The following GRID1 variants were observed in gnomAD, a reference collection of about 807,000 sequenced individuals.
GRID1 encodes glutamate ionotropic receptor delta type subunit 1.
GRID1 carries 28 observed loss-of-function variants against 98.0 expected under a neutral mutation model. The observed-to-expected ratio is 0.29, with a 90% CI of 0.21 to 0.39. The LOEUF (loss-of-function observed/expected upper bound fraction) is 0.39, where lower values mean the gene tolerates loss of function less well. Among genes scored for constraint, GRID1 ranks in the 10% least tolerant of loss-of-function variants. The pLI is 1.00. For synonymous variants in GRID1, 553 were observed against 538.5 expected (o/e 1.03, Z -0.37); for missense variants, 1,111 against 1,340.5 (o/e 0.83, Z 2.67).
intron 6 of GRID1, among the ~76,000 whole-genome samples, chr10:85,856,690 C>A (rs1387556412): frequency 6.6e-6 from 1 of 152,206 alleles, no homozygotes; most frequent in Non-Finnish European, 1.5e-5. Flanking sequence ...ACTGCTCAAC[C>A]CTACTGTTAT....
At chr10:86,089,748 A>C (rs1844117321) in intron 4 of GRID1, among the ~76,000 whole-genome samples, 1 of 152,118 alleles carries the variant, frequency 6.6e-6, no homozygotes, top group Non-Finnish European at 1.5e-5. Flanking sequence ...AACAAAAAAA[A>C]ATTTTTTTTT....
chr10:86,110,660 C>T (rs1844467611), intron 4 of GRID1, among the ~76,000 whole-genome samples: 1 of 152,330 alleles, frequency 6.6e-6, no homozygotes, highest in East Asian at 1.9e-4. Flanking sequence ...TCTTCTTCCC[C>T]TCTTTCCCAG....
At chr10:85,793,912 T>C (rs1842503644) in intron 8 of GRID1, among the ~76,000 whole-genome samples, 1 of 152,152 alleles carries the variant, frequency 6.6e-6, no homozygotes, top group Non-Finnish European at 1.5e-5. Context: ...TAAATGAATT[T>C]AGGAAGAAAA....
intron 3 of GRID1, among the ~76,000 whole-genome samples, chr10:86,175,953 C>T (rs900279441): frequency 1.2e-4 from 19 of 152,174 alleles, no homozygotes; most frequent in Non-Finnish European, 2.6e-4. Flanking sequence ...AGGTGATCTG[C>T]CTGCCTCGGC....
intron 3 of GRID1, among the ~76,000 whole-genome samples, chr10:86,148,777 T>A (rs1759669779): frequency 6.6e-6 from 1 of 152,090 alleles, no homozygotes. Flanking sequence ...TCCATGGTAG[T>A]CTGAGATTCA....
intron 15 of GRID1, among the ~76,000 whole-genome samples, chr10:85,610,782 G>A (rs1427435553): frequency 6.6e-6 from 1 of 152,144 alleles, no homozygotes; most frequent in Non-Finnish European, 1.5e-5. Context: ...AAGGGAGAGA[G>A]GGAAGAAGGA....
At chr10:85,681,989 C>G (rs909512942) in intron 12 of GRID1, among the ~76,000 whole-genome samples, 1 of 151,950 alleles carries the variant, frequency 6.6e-6, no homozygotes, top group Non-Finnish European at 1.5e-5. Flanking sequence ...TCCCACCCCT[C>G]ATGTCTTGGA....
chr10:86,202,512 C>A (rs1255558793), intron 3 of GRID1, among the ~76,000 whole-genome samples: 1 of 152,240 alleles, frequency 6.6e-6, no homozygotes, highest in Non-Finnish European at 1.5e-5. Flanking sequence ...CTTTTCGATC[C>A]AAACTTTTGG....
At chr10:85,670,127 ACACGACAGCC>A (rs1390383024) in intron 12 of GRID1, among the ~76,000 whole-genome samples, 1 of 152,232 alleles carries the variant, frequency 6.6e-6, no homozygotes, top group Non-Finnish European at 1.5e-5. Context: ...GAAATGCTGG[ACACGACAGCC>A]CTTCTTGGAG....
chr10:86,037,952 G>A (rs1813398527), intron 4 of GRID1, among the ~76,000 whole-genome samples: 2 of 152,072 alleles, frequency 1.3e-5, no homozygotes, highest in Admixed American at 1.3e-4. Context: ...TCTTTAAAGA[G>A]GTGGTTAAGT....
At chr10:85,647,469 G>T in intron 12 of GRID1, 72 bp from the exon 13 acceptor site, 1 of 1,192,536 alleles carries the variant, frequency 8.4e-7, no homozygotes, top group Non-Finnish European at 1.2e-6. Flanking sequence ...CAAATGGGCT[G>T]CAAGGCCCTT....
At chr10:86,272,109 C>A (rs1390795724) in intron 2 of GRID1, among the ~76,000 whole-genome samples, 1 of 151,776 alleles carries the variant, frequency 6.6e-6, no homozygotes, top group Non-Finnish European at 1.5e-5. Context: ...AAATAGAAGA[C>A]AATGGAGAAA....
intron 5 of GRID1, among the ~76,000 whole-genome samples, chr10:85,875,999 G>A (rs1035874459): frequency 9.9e-5 from 15 of 152,062 alleles, no homozygotes; most frequent in African/African-American, 3.6e-4. Context: ...TTGTTTGCTG[G>A]GAAATGCCTT....
At chr10:86,176,494 A>G (rs1845577545) in intron 3 of GRID1, among the ~76,000 whole-genome samples, 1 of 152,276 alleles carries the variant, frequency 6.6e-6, no homozygotes, top group Non-Finnish European at 1.5e-5. Context: ...CAGCCTGTGC[A>G]TGCGCTGAGA....
At chr10:85,962,275 A>G (rs1172211521) in intron 4 of GRID1, among the ~76,000 whole-genome samples, 2 of 152,058 alleles carry the variant, frequency 1.3e-5, no homozygotes, top group African/African-American at 4.8e-5. Context: ...TCCCCTACAA[A>G]GTTGCTTAGC....
intron 4 of GRID1, among the ~76,000 whole-genome samples, chr10:86,055,327 G>A (rs912372643): frequency 6.6e-6 from 1 of 152,206 alleles, no homozygotes; most frequent in Non-Finnish European, 1.5e-5. Context: ...TGGATTGAAT[G>A]TTTGTGTCCC....
intron 4 of GRID1, among the ~76,000 whole-genome samples, chr10:86,133,236 T>C (rs2131967960): frequency 6.6e-6 from 1 of 152,344 alleles, no homozygotes; most frequent in Non-Finnish European, 1.5e-5. Flanking sequence ...TGTCAGTGCC[T>C]GTTGGGCTGT....
chr10:85,869,354 C>A (rs540703969), intron 5 of GRID1, among the ~76,000 whole-genome samples, 174 bp from the exon 6 acceptor site: 16 of 152,132 alleles, frequency 1.1e-4, no homozygotes, highest in Non-Finnish European at 2.2e-4. Context: ...ACTTGCTATC[C>A]CTTAGAGGCA....
chr10:86,137,750 G>C (rs1217449733), intron 4 of GRID1, among the ~76,000 whole-genome samples: 2 of 152,146 alleles, frequency 1.3e-5, no homozygotes, highest in Non-Finnish European at 2.9e-5. Flanking sequence ...GCGTGATTCG[G>C]GGCCTGATTA....
Sources: gnomAD v4.1 joint callset for allele counts (sites outside exome capture counted in the v4.1 genomes callset) on GRCh38, gnomAD v4.1.1 for gene constraint, MANE v1.5 for transcripts, NCBI Gene and HGNC (gene_info 2026-07-23, HGNC 2026-07-21) for gene names.